The following NAA11 variants were observed in gnomAD, a reference collection of about 807,000 sequenced individuals.
NAA11 encodes N-alpha-acetyltransferase 11, NatA catalytic subunit.
A neutral mutation model predicts 16.1 loss-of-function variants in NAA11; 15 were observed. The ratio of observed to expected loss-of-function variants is 0.93; its 90% CI spans 0.62 to 1.44. NAA11 has a LOEUF of 1.44. Ranked by LOEUF, NAA11 falls within the 40% of genes most tolerant of loss-of-function variation. NAA11 has a pLI of 0.00. For missense variants in NAA11, 298 were observed against 291.3 expected, an observed-to-expected ratio of 1.02 and a Z score of -0.17; for synonymous variants, 122 against 112.4, an observed-to-expected ratio of 1.09 and a Z score of -0.54.
At chr4:79,300,547 A>G (rs1447656284) in intron 1 of NAA11, among the ~76,000 whole-genome samples, 1 of 152,218 alleles carries the variant, frequency 6.6e-6, no homozygotes, top group Non-Finnish European at 1.5e-5. Flanking sequence ...GCTAAGAACT[A>G]TACAGGGCAG....
At chr4:79,283,584 G>T (rs1373325589) in intron 2 of NAA11, among the ~76,000 whole-genome samples, 1 of 151,290 alleles carries the variant, frequency 6.6e-6, no homozygotes, top group African/African-American at 2.4e-5. Flanking sequence ...TCAAGTCTGG[G>T]TAACGAAGAA....
chr4:79,310,873 G>A (rs1723751390), intron 1 of NAA11, among the ~76,000 whole-genome samples: 1 of 152,180 alleles, frequency 6.6e-6, no homozygotes, highest in African/African-American at 2.4e-5. Flanking sequence ...AAGTGAAAAG[G>A]TGATATGGGA....
chr4:79,227,732 G>A (rs543171626), intron 2 of NAA11: 39 of 151,968 alleles, frequency 2.6e-4, no homozygotes, highest in Admixed American at 2.2e-3. Flanking sequence ...CCCTTAAATT[G>A]AGAATGTTTT....
rs141642835 is a variant in NAA11 at position 79,235,323 on chromosome 4, G to T, written c.*123-9053C>A. 1.4e-4 allele frequency among the ~76,000 whole-genome samples: 22 copies of T among 152,210 alleles called. 1 individual carries two copies. The East Asian group carries it at 4.1e-3, about 28-fold the overall frequency. ...AAAACTAGCACCTCGGAGCCAGTGA[G>T]GTGGTGAGCTAACAGGCTTTATCGA... On this transcript the variant is annotated intron_variant and NMD_transcript_variant, in intron 2 of 2. Transcript: ENST00000511542.
intron 1 of NAA11, among the ~76,000 whole-genome samples, chr4:79,295,644 A>T (rs1052707400): frequency 6.6e-6 from 1 of 152,202 alleles, no homozygotes; most frequent in African/African-American, 2.4e-5. Context: ...TATTACTTTA[A>T]AAAAGCAGGA....
downstream of NAA11, among the ~76,000 whole-genome samples, chr4:79,316,352 G>A (rs1409844647): frequency 6.6e-6 from 1 of 152,108 alleles, no homozygotes; most frequent in East Asian, 1.9e-4. Context: ...ATACTGTATT[G>A]GCACAAGAAA....
intron 2 of NAA11, among the ~76,000 whole-genome samples, chr4:79,273,731 T>C (rs570991922): frequency 6.6e-6 from 1 of 152,086 alleles, no homozygotes; most frequent in South Asian, 2.1e-4. Flanking sequence ...CTAATGCAAT[T>C]TGTGGGTGCA....
chr4:79,203,644 A>G, the NAA11 span, among the ~76,000 whole-genome samples: 92 of 151,748 alleles, frequency 6.1e-4, no homozygotes, highest in African/African-American at 2.1e-3. Flanking sequence ...GACACTAACT[A>G]TGGCACCTCT....
chr4:79,246,519 G>A (rs1383429090), intron 2 of NAA11, among the ~76,000 whole-genome samples: 2 of 151,996 alleles, frequency 1.3e-5, no homozygotes, highest in African/African-American at 4.8e-5. Flanking sequence ...GAAAAATTTA[G>A]TGGTATCTTC....
chr4:79,323,804 G>A (rs1009157991), intron 1 of NAA11, among the ~76,000 whole-genome samples: 1 of 151,310 alleles, frequency 6.6e-6, no homozygotes, highest in East Asian at 1.9e-4. Context: ...CTCGGCGACA[G>A]AGCTAGACTC....
At chr4:79,316,301 T>C (rs926344083), downstream of NAA11, among the ~76,000 whole-genome samples, 3 of 152,114 alleles carry the variant, frequency 2.0e-5, no homozygotes, top group African/African-American at 7.2e-5. Context: ...AGATAGAATA[T>C]TAAAAAGAAA....
At chr4:79,283,295 A>G (rs953757313) in intron 2 of NAA11, among the ~76,000 whole-genome samples, 2 of 152,102 alleles carry the variant, frequency 1.3e-5, no homozygotes, top group Non-Finnish European at 2.9e-5. Context: ...GAACAAACCT[A>G]AAGGTTTTTT....
chr4:79,272,504 A>C (rs1334866587), intron 2 of NAA11, among the ~76,000 whole-genome samples: 1 of 152,070 alleles, frequency 6.6e-6, no homozygotes, highest in Non-Finnish European at 1.5e-5. Context: ...CTTCATTGAC[A>C]ATGGAATGAG....
chr4:79,303,097 TATATATATATATATATATATATATAC>T (rs1723454371), intron 1 of NAA11, among the ~76,000 whole-genome samples: 2 of 113,800 alleles, frequency 1.8e-5, no homozygotes, highest in Admixed American at 8.4e-5. Flanking sequence ...TATATATATA[TATATATATATATATATATATATATAC>T]CTCCCAACAT....
At chr4:79,160,126 GGA>G in the NAA11 span, among the ~76,000 whole-genome samples, 4 of 151,796 alleles carry the variant, frequency 2.6e-5, no homozygotes, top group Non-Finnish European at 5.9e-5. Context: ...CAAGTAGCTG[GGA>G]TTACAGGTGC....
At chr4:79,320,595 A>T (rs1021395463) in intron 1 of NAA11, among the ~76,000 whole-genome samples, 2 of 152,226 alleles carry the variant, frequency 1.3e-5, no homozygotes, top group African/African-American at 2.4e-5. Flanking sequence ...TATGAGGAAT[A>T]AATGAAACAC....
the NAA11 span, among the ~76,000 whole-genome samples, chr4:79,200,675 CTCAG>C: frequency 2.6e-5 from 4 of 151,732 alleles, no homozygotes; most frequent in African/African-American, 2.4e-5. Flanking sequence ...CTGGAAATGA[CTCAG>C]TCAAACAATT....
chr4:79,180,881 C>G, the NAA11 span, among the ~76,000 whole-genome samples: 1 of 152,142 alleles, frequency 6.6e-6, no homozygotes, highest in Admixed American at 6.5e-5. Context: ...ACATATACAC[C>G]ATGGAATACT....
At chr4:79,241,637 A>G (rs1489188070) in intron 2 of NAA11, among the ~76,000 whole-genome samples, 1 of 152,228 alleles carries the variant, frequency 6.6e-6, no homozygotes, top group Non-Finnish European at 1.5e-5. Flanking sequence ...GTGACAGCAT[A>G]TTCAGTAGAG....
Sources: allele counts gnomAD v4.1 joint callset (sites outside exome capture counted in the v4.1 genomes callset), GRCh38; gene constraint gnomAD v4.1.1; transcripts MANE v1.5; gene names NCBI Gene and HGNC (gene_info 2026-07-23, HGNC 2026-07-21).